NBEAL1: variants seen among roughly 807,000 people sequenced by gnomAD.
NBEAL1 encodes the protein neurobeachin-like protein 1.
A neutral mutation model predicts 351.3 loss-of-function variants in NBEAL1; 273 were observed. That is an observed-to-expected ratio of 0.78 (90% CI 0.70 to 0.86). The LOEUF is 0.86. Ranked by LOEUF, NBEAL1 falls within the 40% of genes least tolerant of loss-of-function variation. The pLI is 0.00. For synonymous variants in NBEAL1, 1,050 were observed against 1,086.4 expected, an observed-to-expected ratio of 0.97 and a Z score of 0.66; for missense variants, 2,961 against 3,201.3, an observed-to-expected ratio of 0.92 and a Z score of 1.81.
Position 203,225,179 on chromosome 2 carries a change from G to T in NBEAL1, c.*7825G>T, listed in dbSNP as rs552599261. Among the ~76,000 whole-genome samples the T allele has an allele frequency of 1.3e-5, 2 of 152,154 alleles. No individual in the cohort carries two copies. The highest frequency in any genetic ancestry group is 2.9e-5 in the Non-Finnish European group (2 of 68,016). On this transcript the variant is annotated 3_prime_UTR_variant, in exon 56 of 56. Transcript: ENST00000683969. ...TGGGTTTGAATCAAATAAAAAAAGT[G>T]ATGTTACTTTCTTCAGTTGATTTGT...
At chr2:203,187,295 C>T (rs867576316) in intron 44 of NBEAL1, among the ~76,000 whole-genome samples, 3 of 149,308 alleles carry the variant, frequency 2.0e-5, no homozygotes, top group Non-Finnish European at 3.0e-5. Context: ...TGGGCTCAAG[C>T]GATCCACCTG....
chr2:203,200,347 C>T (rs1244873548), intron 49 of NBEAL1, among the ~76,000 whole-genome samples: 1 of 152,056 alleles, frequency 6.6e-6, no homozygotes, highest in African/African-American at 2.4e-5. Context: ...CCCATCTCTA[C>T]TAAAAATACA....
chr2:203,024,776 C>T (rs985847241), intron 2 of NBEAL1, among the ~76,000 whole-genome samples: 1 of 151,810 alleles, frequency 6.6e-6, no homozygotes, highest in Non-Finnish European at 1.5e-5. Context: ...GCAGGAGAAT[C>T]GCTTGAACCT....
Position 203,177,869 on chromosome 2 carries a change from A to C in NBEAL1, c.6465-2513A>C, listed in dbSNP as rs372088757. ...CCCTGTCTCTACTAAAAATACAAAA[A>C]TTATCTGGGCGTGGTCGTGGGTGCC... is the stretch of plus-strand genomic sequence containing the variant. On this transcript the variant is annotated intron_variant, in intron 42 of 55. Transcript: ENST00000683969. Among the ~76,000 whole-genome samples, 9 of 151,970 alleles carry C rather than the reference A, an allele frequency of 5.9e-5. No homozygotes were observed. The South Asian group carries it at 6.2e-4, about 11-fold the overall frequency.
intron 47 of NBEAL1, among the ~76,000 whole-genome samples, chr2:203,195,905 G>T (rs2065228783): frequency 6.6e-6 from 1 of 152,152 alleles, no homozygotes; most frequent in Non-Finnish European, 1.5e-5. Context: ...CATACTATTT[G>T]CACAAACACT....
intron 41 of NBEAL1, among the ~76,000 whole-genome samples, chr2:203,173,919 T>C (rs1284049505): frequency 6.6e-6 from 1 of 152,034 alleles, no homozygotes; most frequent in East Asian, 1.9e-4. Flanking sequence ...GTTTTTGAAA[T>C]TCAGTGTTTA....
intron 51 of NBEAL1, among the ~76,000 whole-genome samples, chr2:203,207,611 AC>A (rs1448646876): frequency 2.0e-5 from 3 of 152,088 alleles, no homozygotes; most frequent in Non-Finnish European, 4.4e-5. Flanking sequence ...CTGTGACCTT[AC>A]CCCCAACCCT....
intron 54 of NBEAL1, among the ~76,000 whole-genome samples, chr2:203,212,914 A>T (rs973470602): frequency 5.9e-5 from 9 of 152,188 alleles, no homozygotes; most frequent in African/African-American, 2.2e-4. Context: ...CAGGGATAAG[A>T]TCAGAGCAAG....
rs772912454 is a variant in NBEAL1 at position 203,145,092 on chromosome 2, T to TA, written c.5237dup (p.Tyr1746Ter). The TA allele has an allele frequency of 1.2e-6, 2 of 1,613,468 alleles. No individual in the cohort carries two copies. Among genetic ancestry groups the TA allele is most frequent in the South Asian group, 2.2e-5 (2 of 90,872 alleles). ...CATGGCACTTTATTGGAAGGATTGT[T>TA]ATGAAGCTTTAATGGTAAATATGCA... ...ENMALYWKDCYEALMVNMHKR... is the reference protein window; with the variant it reads ...ENMALYWKDC The change falls in exon 33 of 56, where the codon TAT becomes TAAT. Residue 1746 changes from tyrosine (Y) to a stop codon, truncating the protein, a stop_gained and frameshift_variant. Coordinates refer to ENST00000683969, the MANE Select transcript of NBEAL1 (RefSeq NM_001378026.1). LOFTEE classifies it high-confidence loss of function.
At chr2:203,167,563 A>G (rs2064174825) in intron 38 of NBEAL1, among the ~76,000 whole-genome samples, 1 of 152,196 alleles carries the variant, frequency 6.6e-6, no homozygotes, top group African/African-American at 2.4e-5. Flanking sequence ...CAGTTTTTAT[A>G]TATATGGCTA....
intron 55 of NBEAL1, among the ~76,000 whole-genome samples, chr2:203,216,960 T>C (rs537747126): frequency 3.3e-5 from 5 of 152,146 alleles, no homozygotes; most frequent in African/African-American, 9.6e-5. Flanking sequence ...TGCGCCACCA[T>C]GTTGGGCTAA....
intron 31 of NBEAL1, among the ~76,000 whole-genome samples, chr2:203,141,323 G>A (rs913540088): frequency 2.9e-4 from 38 of 128,830 alleles, no homozygotes; most frequent in Admixed American, 9.7e-4. Flanking sequence ...TACAAGCACA[G>A]CACCTACAGA....
At position 203,122,111 on chromosome 2, in the gene NBEAL1, A is replaced by T. The variant is rs950014029; in HGVS notation, c.2593-143A>T. Reference sequence around the variant, plus strand: ...CTGATTCTTTCTTTTAAAACAGAACAGCAATACTAAAATTCATATTATGGG... The same window carrying T: ...CTGATTCTTTCTTTTAAAACAGAACTGCAATACTAAAATTCATATTATGGG... On this transcript the variant is annotated intron_variant, in intron 18 of 55. Transcript: ENST00000683969. The T allele has an allele frequency of 1.5e-5, 8 of 525,698 alleles. No homozygotes were observed. In the African/African-American group the frequency reaches 1.6e-4, roughly 11 times the overall value. The allele number at this position is 525,698 out of a possible 1,614,324, so 32.6% of individuals were successfully genotyped here. A position where few individuals can be genotyped will look rare whatever the true frequency, so the allele number is the denominator to read the frequency against.
intron 1 of NBEAL1, chr2:203,015,927 G>A (rs1217045585): frequency 6.5e-6 from 1 of 153,036 alleles, no homozygotes; most frequent in Non-Finnish European, 1.5e-5. Context: ...TTATGAACAT[G>A]TACCCATCTC....
intron 44 of NBEAL1, among the ~76,000 whole-genome samples, chr2:203,187,563 AACCCCATCGCT>A (rs1190340771): frequency 6.6e-6 from 1 of 151,244 alleles, no homozygotes. Flanking sequence ...AACATGGTAA[AACCCCATCGCT>A]ACTAAAAATA....
intron 36 of NBEAL1, among the ~76,000 whole-genome samples, chr2:203,161,460 C>G (rs935956159): frequency 6.6e-6 from 1 of 151,148 alleles, no homozygotes; most frequent in Non-Finnish European, 1.5e-5. Context: ...GAAACCCTGT[C>G]TCTACTAGAA....
At chr2:203,164,417 G>A (rs1456438564) in intron 36 of NBEAL1, among the ~76,000 whole-genome samples, 1 of 151,902 alleles carries the variant, frequency 6.6e-6, no homozygotes, top group African/African-American at 2.4e-5. Flanking sequence ...TAGATACTCA[G>A]TTGGCTTTGT....
intron 4 of NBEAL1, among the ~76,000 whole-genome samples, chr2:203,055,321 G>C (rs1490498332): frequency 2.0e-5 from 3 of 152,066 alleles, no homozygotes; most frequent in Non-Finnish European, 2.9e-5. Context: ...TCTTTTGGTT[G>C]GGTGGGTGTG....
chr2:203,097,634 G>T lies in NBEAL1; in HGVS notation c.1185+1G>T. On this transcript the variant is annotated splice_donor_variant, in intron 11 of 55. Coordinates refer to ENST00000683969, the MANE Select transcript of NBEAL1 (RefSeq NM_001378026.1). LOFTEE classifies it high-confidence loss of function. ...ACTGACAGAAATGAATGAGGACCAG[G>T]TATCTACAAAGCCTGCATCTTGTTT... The T allele has an allele frequency of 3.0e-6, 3 of 984,268 alleles. No individual in the cohort carries two copies. Among genetic ancestry groups the T allele is most frequent in the Non-Finnish European group, 3.6e-6 (3 of 828,498 alleles). 61.0% of individuals were successfully genotyped at this position (984,268 alleles called of 1,614,324 possible). A position where few individuals can be genotyped will look rare whatever the true frequency, so the allele number is the denominator to read the frequency against.
Sources: allele counts gnomAD v4.1 joint callset (sites outside exome capture counted in the v4.1 genomes callset), GRCh38; gene constraint gnomAD v4.1.1; transcripts MANE v1.5; gene names NCBI Gene and HGNC (gene_info 2026-07-23, HGNC 2026-07-21).